TRIM3: variants seen among roughly 807,000 people sequenced by gnomAD.
TRIM3 encodes tripartite motif-containing protein 3.
A neutral mutation model predicts 66.6 loss-of-function variants in TRIM3; 13 were observed. The ratio of observed to expected loss-of-function variants is 0.20; its 90% confidence interval spans 0.13 to 0.31. The LOEUF is 0.31. Ranked by LOEUF, TRIM3 falls within the 10% of genes least tolerant of loss-of-function variation. The probability of loss-of-function intolerance (pLI) is 1.00; values close to 1 mark genes in which losing one functional copy is unlikely to be tolerated. For missense variants in TRIM3, 711 were observed against 1,020.4 expected, an observed-to-expected ratio of 0.70 and a Z score of 4.13; for synonymous variants, 406 against 411.7, an observed-to-expected ratio of 0.99 and a Z score of 0.17.
intron 7 of TRIM3, among the ~76,000 whole-genome samples, chr11:6,453,531 A>G (rs1849826854): frequency 6.6e-6 from 1 of 152,188 alleles, no homozygotes; most frequent in African/African-American, 2.4e-5. Context: ...AAAACCAGAC[A>G]AAAACAAAAA....
chr11:6,460,453 T>C (rs1166956384), intron 2 of TRIM3, among the ~76,000 whole-genome samples: 1 of 151,982 alleles, frequency 6.6e-6, no homozygotes, highest in Non-Finnish European at 1.5e-5. Context: ...GGGAAGAGAC[T>C]ACAAAACTGA....
In TRIM3 at chr11:6,457,236, A is replaced by C; in HGVS notation, c.696+60T>G. 1 of 1,586,574 alleles carries C rather than the reference A, an allele frequency of 6.3e-7. No homozygotes were observed. Among genetic ancestry groups the C allele is most frequent in the Non-Finnish European group, 8.6e-7 (1 of 1,164,074 alleles). ...AGCTGGTGTGGAAGACAGAGGAACA[A>C]TGGAGGCAATAACACCATCACAATG... On this transcript the variant is annotated intron_variant, in intron 5 of 11. Coordinates refer to ENST00000345851, the MANE Select transcript of TRIM3 (RefSeq NM_033278.4). The surrounding 1 kb of genome is among the most constrained non-coding windows in gnomAD (Gnocchi z 4.5).
At position 6,472,031 on chromosome 11, in the gene TRIM3, C is replaced by T. The variant is rs139143465; in HGVS notation, c.-38+1760G>A. Among the ~76,000 whole-genome samples, 544 of 152,272 alleles carry T rather than the reference C, an allele frequency of 3.6e-3. 6 individuals are homozygous for T. Among genetic ancestry groups the T allele is most frequent in the Middle Eastern group, 0.01 (3 of 294 alleles). On this transcript the variant is annotated intron_variant, in intron 1 of 11. Transcript: ENST00000345851. The stretch of plus-strand genomic sequence containing the variant: ...ACCACCACTCACCCACCCACACAAG[C>T]GAGAACCCTGGTAGTCTTCTCAATT...
intron 2 of TRIM3, among the ~76,000 whole-genome samples, chr11:6,461,777 G>A (rs899753305): frequency 2.0e-5 from 3 of 152,076 alleles, no homozygotes; most frequent in African/African-American, 4.8e-5. Context: ...ACTGGTCTCT[G>A]TTTCCACTCT....
Position 6,456,963 on chromosome 11 carries a change from C to G in TRIM3, c.763G>C (p.Ala255Pro). 1 of 1,608,510 alleles carries G rather than the reference C, an allele frequency of 6.2e-7. No homozygotes were observed. The highest frequency in any genetic ancestry group is 8.5e-7 in the Non-Finnish European group (1 of 1,178,860). The change falls in exon 6 of 12, where the codon GCA becomes CCA. Residue 255 changes from alanine (A) to proline (P), a missense_variant. Ala to Pro is a conservative substitution (Grantham distance 27). Transcript: ENST00000345851. This position sits in a 1 kb window ranked among gnomAD's most constrained non-coding sequence, Gnocchi z 6.4. ...GAGCCCAGGCGCAGTGCCTGCTCTG[C>G]AAAGCTGCAGCTACTGCCGATGTGT... is the stretch of plus-strand genomic sequence containing the variant. ...QEHIGSSCSF[A>P]EQALRLGSAP...
chr11:6,473,988 G>C (rs998757892), upstream of TRIM3: 2 of 151,418 alleles, frequency 1.3e-5, no homozygotes, highest in Non-Finnish European at 3.0e-5. Context: ...CCGGGGGAGG[G>C]GGTGACTCCA....
At chr11:6,463,921 T>G (rs1199858324) in intron 2 of TRIM3, among the ~76,000 whole-genome samples, 1 of 152,114 alleles carries the variant, frequency 6.6e-6, no homozygotes. Context: ...GAGTGGGCAG[T>G]GGAGCTGGAA....
In TRIM3 at chr11:6,455,595, C is replaced by A. The variant is rs144053629; in HGVS notation, c.1533+477G>T. 2.4e-3 allele frequency among the ~76,000 whole-genome samples: 360 copies of A among 152,276 alleles called. 4 individuals carry two copies. Among genetic ancestry groups the A allele is most frequent in the African/African-American group, 7.6e-3 (314 of 41,562 alleles). On this transcript the variant is annotated intron_variant, in intron 7 of 11. Coordinates refer to ENST00000345851, the MANE Select transcript of TRIM3 (RefSeq NM_033278.4). ...AACTTCTAGCCACTGAAAGATACCC[C>A]CTTTGGCCAAGATACCCCTATGCAA...
rs1849615841 is a variant in TRIM3 at position 6,449,163 on chromosome 11, G to C, written c.2100C>G (p.Gly700=). Reference sequence around the variant, plus strand: ...ATGTGTTGATATAGGACAGGAAGGAGCCAGAGCTGTCGAATACCTGGGGAA... The same window carrying C: ...ATGTGTTGATATAGGACAGGAAGGACCCAGAGCTGTCGAATACCTGGGGAA... ...NSRIQVFDSS[G]SFLSYINTSA... Residue 700 remains glycine, a synonymous_variant, in exon 12 of 12, where the codon GGC becomes GGG. Transcript: ENST00000345851. This position sits in a 1 kb window ranked among gnomAD's most constrained non-coding sequence, Gnocchi z 5.3. 6.2e-7 allele frequency: 1 copy of C among 1,614,040 alleles called. No individual in the cohort carries two copies. The highest frequency in any genetic ancestry group is 8.5e-7 in the Non-Finnish European group (1 of 1,179,978).
At chr11:6,453,904 C>T (rs567524670) in intron 7 of TRIM3, among the ~76,000 whole-genome samples, 1 of 152,274 alleles carries the variant, frequency 6.6e-6, no homozygotes, top group South Asian at 2.1e-4. Context: ...CCCATGCCAG[C>T]CCTAAGGACT....
chr11:6,462,027 C>T (rs1409216052), intron 2 of TRIM3, among the ~76,000 whole-genome samples: 1 of 152,196 alleles, frequency 6.6e-6, no homozygotes, highest in Non-Finnish European at 1.5e-5. Flanking sequence ...GGTATCTGAA[C>T]ATGTCCTGTC....
At chr11:6,451,955 T>G (rs1849741195) in intron 7 of TRIM3, 1 of 154,756 alleles carries the variant, frequency 6.5e-6, no homozygotes, top group Non-Finnish European at 1.4e-5. Context: ...AGAAAGAACA[T>G]TCTGGCTGTA....
chr11:6,459,278 G>A (rs143565609), intron 2 of TRIM3, among the ~76,000 whole-genome samples: 2 of 152,336 alleles, frequency 1.3e-5, no homozygotes, highest in Non-Finnish European at 2.9e-5. Flanking sequence ...CCAAGGCAAG[G>A]AATGGTGACA....
chr11:6,472,132 A>G (rs1850709254), intron 1 of TRIM3, among the ~76,000 whole-genome samples: 1 of 152,214 alleles, frequency 6.6e-6, no homozygotes, highest in Admixed American at 6.5e-5. Flanking sequence ...GGCTAGGTTT[A>G]AAAAGTTAGG....
At chr11:6,455,929 C>T (rs1849946352) in intron 7 of TRIM3, 143 bp downstream of exon 7, 1 of 810,012 alleles carries the variant, frequency 1.2e-6, no homozygotes, top group African/African-American at 1.7e-5. Flanking sequence ...AAGGGGTGAT[C>T]CTTTGATTCA....
intron 2 of TRIM3, among the ~76,000 whole-genome samples, chr11:6,464,648 C>T (rs1480753281): frequency 6.6e-6 from 1 of 152,106 alleles, no homozygotes; most frequent in Non-Finnish European, 1.5e-5. Context: ...GCTTGTGTAA[C>T]AATGTATCAC....
At chr11:6,465,812 G>A in intron 1 of TRIM3, 80 bp from the exon 2 acceptor site, 1 of 1,366,136 alleles carries the variant, frequency 7.3e-7, no homozygotes, top group South Asian at 1.3e-5. Flanking sequence ...ATCCCCTGCA[G>A]AGAACTTGCC....
chr11:6,472,908 A>AT (rs1850747241), intron 1 of TRIM3, among the ~76,000 whole-genome samples: 1 of 151,798 alleles, frequency 6.6e-6, no homozygotes, highest in Non-Finnish European at 1.5e-5. Flanking sequence ...TTAGGGGATG[A>AT]ATGGGCACCA....
In TRIM3 at chr11:6,464,804, C is replaced by T. The variant is rs544505181; in HGVS notation, c.131+761G>A. On this transcript the variant is annotated intron_variant, in intron 2 of 11. Transcript: ENST00000345851. ...GAGTTCAAGAACAGCCTGAGCAACA[C>T]GGTGAAACCCCATCTGTAATAAAAT... Among the ~76,000 whole-genome samples the T allele has an allele frequency of 1.6e-3, 246 of 152,108 alleles. 4 individuals carry two copies. Among genetic ancestry groups the T allele is most frequent in the Non-Finnish European group, 2.1e-3 (143 of 67,964 alleles).
Sources: gnomAD v4.1 joint callset for allele counts (sites outside exome capture counted in the v4.1 genomes callset) on GRCh38, gnomAD v4.1.1 for gene constraint, Gnocchi (gnomAD v3.1) non-coding constraint, MANE v1.5 for transcripts, NCBI Gene and HGNC (gene_info 2026-07-23, HGNC 2026-07-21) for gene names.